CDH12: variants seen among roughly 807,000 people sequenced by gnomAD.
The protein encoded by CDH12 is cadherin-12.
A neutral mutation model predicts 74.1 loss-of-function variants in CDH12; 41 were observed. The observed-to-expected ratio is 0.55, with a 90% CI of 0.43 to 0.72. The LOEUF (loss-of-function observed/expected upper bound fraction) is 0.72. Among genes scored for constraint, CDH12 ranks in the 30% least tolerant of loss-of-function variants. CDH12 has a pLI of 0.00. For missense variants in CDH12, 945 were observed against 977.2 expected (o/e 0.97, Z 0.44); for synonymous variants, 399 against 355.0 (o/e 1.12, Z -1.39).
chr5:22,283,659 T>C (rs1737015488), intron 3 of CDH12, among the ~76,000 whole-genome samples: 1 of 152,006 alleles, frequency 6.6e-6, no homozygotes, highest in Admixed American at 6.6e-5. Flanking sequence ...AAGTTTCAGC[T>C]AGACAGAAGG....
chr5:22,577,334 T>G (rs568025778), intron 1 of CDH12, among the ~76,000 whole-genome samples: 2 of 152,352 alleles, frequency 1.3e-5, no homozygotes, highest in African/African-American at 4.8e-5. Flanking sequence ...TGAATATGAC[T>G]GCAGTTATGA....
chr5:22,545,001 CA>C (rs770499116), intron 1 of CDH12, among the ~76,000 whole-genome samples: 2 of 152,106 alleles, frequency 1.3e-5, no homozygotes, highest in Non-Finnish European at 2.9e-5. Flanking sequence ...CATCTACTCA[CA>C]CACGTACACA....
intron 2 of CDH12, among the ~76,000 whole-genome samples, chr5:22,433,973 G>T (rs974809343): frequency 6.6e-6 from 1 of 152,054 alleles, no homozygotes; most frequent in Non-Finnish European, 1.5e-5. Flanking sequence ...GCTTCTATAC[G>T]TTCTGTAAGT....
chr5:22,261,501 C>T (rs1296371166), intron 3 of CDH12, among the ~76,000 whole-genome samples: 1 of 152,000 alleles, frequency 6.6e-6, no homozygotes, highest in African/African-American at 2.4e-5. Flanking sequence ...ATAATAAAAA[C>T]TGCTCTTTGG....
chr5:22,839,983 A>C (rs1218238839), intron 1 of CDH12, among the ~76,000 whole-genome samples: 1 of 152,236 alleles, frequency 6.6e-6, no homozygotes, highest in Non-Finnish European at 1.5e-5. Context: ...CCACAAAATT[A>C]GTCACACACA....
At chr5:21,754,460 G>A (rs1304461543) in intron 14 of CDH12, among the ~76,000 whole-genome samples, 1 of 152,124 alleles carries the variant, frequency 6.6e-6, no homozygotes, top group Non-Finnish European at 1.5e-5. Context: ...CACAAAAGAT[G>A]CCAGGGATAA....
chr5:21,774,214 G>A (rs111932565), intron 11 of CDH12, among the ~76,000 whole-genome samples: 4,755 of 152,276 alleles, frequency 0.031, 91 homozygotes, highest in Middle Eastern at 0.058. Flanking sequence ...TGCCAGCGTG[G>A]CTAGGACAAA....
At position 21,751,691 on chromosome 5, in the gene CDH12, T is replaced by G. The variant is rs1744075332; in HGVS notation, c.*46A>C. On this transcript the variant is annotated 3_prime_UTR_variant, in exon 15 of 15. Coordinates refer to ENST00000382254, the MANE Select transcript of CDH12 (RefSeq NM_004061.5). Reference sequence around the variant, plus strand: ...TTAATATTTGTGTTTCTTTTTCTTTTTTAAAAATCTCCCCTCTCGGTTGTA... The same window carrying G: ...TTAATATTTGTGTTTCTTTTTCTTTGTTAAAAATCTCCCCTCTCGGTTGTA... 1 of 1,517,520 alleles carries G rather than the reference T, an allele frequency of 6.6e-7. No homozygotes were observed. The highest frequency in any genetic ancestry group is 1.4e-5 in the African/African-American group (1 of 71,346). The allele number at this position is 1,517,520 out of a possible 1,614,324, so 94.0% of individuals were successfully genotyped here.
chr5:22,042,887 C>G (rs569218003), intron 5 of CDH12, among the ~76,000 whole-genome samples: 2 of 67,992 alleles, frequency 2.9e-5, no homozygotes, highest in South Asian at 1.1e-3. Context: ...GAGATTCTAT[C>G]TCAAAAAAAA....
At position 22,044,082 on chromosome 5, in the gene CDH12, A is replaced by T. The variant is rs369914694; in HGVS notation, c.231+34364T>A. Among the ~76,000 whole-genome samples the T allele has an allele frequency of 3.3e-3, 503 of 152,298 alleles. 8 individuals are homozygous for T. The highest frequency in any genetic ancestry group is 0.011 in the African/African-American group (462 of 41,554). Reference sequence around the variant, plus strand: ...AAATATCCTTCAAAGACATAGAAAAAAATCCTAAAAATCACATGGAACCAC... The same window carrying T: ...AAATATCCTTCAAAGACATAGAAAATAATCCTAAAAATCACATGGAACCAC... On this transcript the variant is annotated intron_variant, in intron 5 of 14. Coordinates refer to ENST00000382254, the MANE Select transcript of CDH12 (RefSeq NM_004061.5).
intron 8 of CDH12, among the ~76,000 whole-genome samples, chr5:21,818,226 T>C (rs1748169588): frequency 6.6e-6 from 1 of 151,502 alleles, no homozygotes; most frequent in African/African-American, 2.4e-5. Flanking sequence ...TTCCCATGGG[T>C]AAATCAACCA....
chr5:22,356,459 T>C (rs944407436), intron 3 of CDH12, among the ~76,000 whole-genome samples: 2 of 152,140 alleles, frequency 1.3e-5, no homozygotes, highest in Admixed American at 1.3e-4. Flanking sequence ...CCTTGGGATT[T>C]AAATACAATA....
At chr5:22,317,338 A>G (rs987356105) in intron 3 of CDH12, among the ~76,000 whole-genome samples, 1 of 152,128 alleles carries the variant, frequency 6.6e-6, no homozygotes, top group Non-Finnish European at 1.5e-5. Flanking sequence ...TAAAAAAATT[A>G]AGCCTAAAAT....
At chr5:22,777,895 C>T (rs528545384) in intron 1 of CDH12, among the ~76,000 whole-genome samples, 1 of 151,978 alleles carries the variant, frequency 6.6e-6, no homozygotes, top group Admixed American at 6.6e-5. Flanking sequence ...CTCACTGCAA[C>T]CTTCACCTCC....
At chr5:22,342,296 C>T in intron 3 of CDH12, among the ~76,000 whole-genome samples, 1 of 152,140 alleles carries the variant, frequency 6.6e-6, no homozygotes, top group South Asian at 2.1e-4. Context: ...AAAGTGTTCT[C>T]AATACTGTAT....
intron 1 of CDH12, among the ~76,000 whole-genome samples, chr5:22,749,097 T>A (rs1745432211): frequency 6.6e-6 from 1 of 152,212 alleles, no homozygotes; most frequent in Non-Finnish European, 1.5e-5. Context: ...AATTGTGCAA[T>A]ATTTGGCCCT....
At chr5:22,328,034 T>C (rs1160741947) in intron 3 of CDH12, among the ~76,000 whole-genome samples, 8 of 152,146 alleles carry the variant, frequency 5.3e-5, no homozygotes, top group Admixed American at 5.2e-4. Context: ...AGTGGCTTAA[T>C]TAATATTGTT....
intron 1 of CDH12, among the ~76,000 whole-genome samples, chr5:22,788,702 A>T (rs1747766362): frequency 6.7e-6 from 1 of 148,640 alleles, no homozygotes; most frequent in Non-Finnish European, 1.5e-5. Flanking sequence ...ATGAAACTAT[A>T]ATTATATATC....
At chr5:22,242,550 G>A (rs1752788946) in intron 3 of CDH12, among the ~76,000 whole-genome samples, 1 of 152,162 alleles carries the variant, frequency 6.6e-6, no homozygotes, top group Non-Finnish European at 1.5e-5. Flanking sequence ...GTACTGGAAT[G>A]TTAGGACCAG....
Sources: allele counts gnomAD v4.1 joint callset (sites outside exome capture counted in the v4.1 genomes callset), GRCh38; gene constraint gnomAD v4.1.1; transcripts MANE v1.5; gene names NCBI Gene and HGNC (gene_info 2026-07-23, HGNC 2026-07-21).